The following DYNC2H1 variants were observed in gnomAD, a reference collection of about 807,000 sequenced individuals.
The protein encoded by DYNC2H1 is cytoplasmic dynein 2 heavy chain 1.
In DYNC2H1, 410 loss-of-function variants were observed where a neutral mutation model predicts 570.0. The observed-to-expected ratio is 0.72, with a 90% CI of 0.66 to 0.78. The LOEUF (loss-of-function observed/expected upper bound fraction) is 0.78, where lower values mean the gene tolerates loss of function less well. DYNC2H1 is among the 30% of genes least tolerant of loss of function. DYNC2H1 has a pLI of 0.00. For missense variants in DYNC2H1, 4,865 were observed against 5,046.4 expected (o/e 0.96, Z 1.09); for synonymous variants, 1,688 against 1,677.6 (o/e 1.01, Z -0.15).
intron 59 of DYNC2H1, among the ~76,000 whole-genome samples, chr11:103,229,624 T>C (rs953431862): frequency 1.3e-5 from 2 of 152,178 alleles, no homozygotes; most frequent in African/African-American, 4.8e-5. Flanking sequence ...TATTTTTTCT[T>C]AGCTTTAGGC....
At position 103,176,439 on chromosome 11, in the gene DYNC2H1, C is replaced by T. The variant is rs77225226; in HGVS notation, c.5874+5C>T. 1.3e-6 allele frequency: 2 copies of T among 1,503,398 alleles called. No homozygotes were observed. The highest frequency in any genetic ancestry group is 2.4e-5 in the Admixed American group (1 of 41,950). 93.1% of individuals were successfully genotyped at this position (1,503,398 alleles called of 1,614,324 possible). A position where few individuals can be genotyped will look rare whatever the true frequency, so the allele number is the denominator to read the frequency against. On this transcript the variant is annotated splice_donor_5th_base_variant and intron_variant, in intron 37 of 88. Coordinates refer to ENST00000375735, the MANE Select transcript of DYNC2H1 (RefSeq NM_001377.3). ...TATGAAATTATACCCAATCAGGTAA[C>T]TGTCAAGAATATTTTATAATAGATT...
At chr11:103,283,167 G>T in intron 73 of DYNC2H1, 82 bp downstream of exon 73, 2 of 1,122,536 alleles carry the variant, frequency 1.8e-6, no homozygotes, top group South Asian at 3.1e-5. Flanking sequence ...CTCCTTATTC[G>T]TAATCAGTGT....
chr11:103,374,972 A>C (rs1322372689), intron 83 of DYNC2H1, among the ~76,000 whole-genome samples: 1 of 152,206 alleles, frequency 6.6e-6, no homozygotes, highest in African/African-American at 2.4e-5. Context: ...AGAGACCTTC[A>C]TGGCAGCCCC....
chr11:103,452,620 A>G (rs1591778647), intron 85 of DYNC2H1, among the ~76,000 whole-genome samples: 2 of 140,542 alleles, frequency 1.4e-5, no homozygotes, highest in African/African-American at 5.1e-5. Context: ...ACCTGCTTGT[A>G]TTACAATTTA....
chr11:103,125,338 A>T, intron 12 of DYNC2H1, 43 bp downstream of exon 12: 2 of 1,322,386 alleles, frequency 1.5e-6, no homozygotes, highest in Non-Finnish European at 2.1e-6. Context: ...TTTGGAGTTC[A>T]TTACGTTAAA....
chr11:103,174,019 C>T, intron 35 of DYNC2H1, 36 bp from the exon 36 acceptor site: 1 of 1,404,380 alleles, frequency 7.1e-7, no homozygotes, highest in Non-Finnish European at 9.9e-7. Context: ...TTTCTTCTAG[C>T]TATTTGATGT....
At chr11:103,386,623 T>A (rs1941886637) in intron 83 of DYNC2H1, among the ~76,000 whole-genome samples, 1 of 152,136 alleles carries the variant, frequency 6.6e-6, no homozygotes, top group South Asian at 2.1e-4. Flanking sequence ...TAACGTTAGA[T>A]ATATCTCCTA....
intron 60 of DYNC2H1, among the ~76,000 whole-genome samples, chr11:103,232,771 G>T (rs1484598928): frequency 6.6e-6 from 1 of 151,946 alleles, no homozygotes; most frequent in East Asian, 1.9e-4. Context: ...AATATTCATT[G>T]CAAAACCATG....
In DYNC2H1 at chr11:103,188,495, AG is replaced by A. The variant is rs1160036887; in HGVS notation, c.7141del. The stretch of plus-strand genomic sequence containing the variant: ...GTTTAAAATATATTTATTTTCAAAT[AG>A]GTATTGACGTATCAAGGATTTTATG... On this transcript the variant is annotated splice_acceptor_variant, in intron 43 of 88. Transcript: ENST00000375735. LOFTEE classifies it high-confidence loss of function. The A allele has an allele frequency of 1.2e-5, 18 of 1,537,544 alleles. No homozygotes were observed. In the Admixed American group the frequency reaches 3.2e-4, roughly 28 times the overall value.
At chr11:103,161,075 A>G in intron 29 of DYNC2H1, 31 bp downstream of exon 29, 4 of 1,214,556 alleles carry the variant, frequency 3.3e-6, no homozygotes, top group Non-Finnish European at 4.5e-6. Flanking sequence ...TATGAAAACA[A>G]AAAGAATTAA....
chr11:103,320,914 TA>T, intron 80 of DYNC2H1, 114 bp from the exon 81 acceptor site: 4 of 790,090 alleles, frequency 5.1e-6, no homozygotes, highest in Non-Finnish European at 7.9e-6. Context: ...GTCATTTGAA[TA>T]AATGATTTAG....
intron 79 of DYNC2H1, among the ~76,000 whole-genome samples, chr11:103,312,386 A>T (rs1163899634): frequency 1.4e-4 from 20 of 145,898 alleles, no homozygotes; most frequent in Admixed American, 1.4e-4. Flanking sequence ...ATCTCAAAAA[A>T]AAAAAAAAAA....
At position 103,168,896 on chromosome 11, in the gene DYNC2H1, A is replaced by G. The variant is rs778621290; in HGVS notation, c.4904A>G (p.Lys1635Arg). 1.2e-6 allele frequency: 2 copies of G among 1,613,132 alleles called. No individual in the cohort carries two copies. Among genetic ancestry groups the G allele is most frequent in the South Asian group, 2.2e-5 (2 of 91,048 alleles). ...AWKKQLRFYM[K>R]SDHTCCVQMV... is the part of the protein sequence containing the mutation. ...AAAAAACAACTTAGATTCTATATGA[A>G]AAGTGATCATACATGTTGTGTTCAA... is the stretch of plus-strand genomic sequence containing the variant. Residue 1635 changes from lysine (K) to arginine (R), a missense_variant, in exon 32 of 89, where the codon AAA becomes AGA. Lys to Arg is a conservative substitution (Grantham distance 26). Transcript: ENST00000375735.
Position 103,254,002 on chromosome 11 carries a change from C to T in DYNC2H1, c.10206+554C>T, listed in dbSNP as rs678766. 6.6e-6 allele frequency among the ~76,000 whole-genome samples: 1 copy of T among 152,004 alleles called. No homozygotes were observed. Among genetic ancestry groups the T allele is most frequent in the Non-Finnish European group, 1.5e-5 (1 of 67,976 alleles). On this transcript the variant is annotated intron_variant, in intron 66 of 88. Coordinates refer to ENST00000375735, the MANE Select transcript of DYNC2H1 (RefSeq NM_001377.3). This position sits in a 1 kb window ranked among gnomAD's most constrained non-coding sequence, Gnocchi z 4.9. ...TTTTTTCCCCTTTAAAGATATAATG[C>T]CAGTTGACTTTTGGAGTATCATCCT...
chr11:103,479,260 AT>A lies in DYNC2H1; in HGVS notation c.*8del, dbSNP rs1257646215. 1 of 1,607,126 alleles carries A rather than the reference AT, an allele frequency of 6.2e-7. No homozygotes were observed. Among genetic ancestry groups the A allele is most frequent in the Non-Finnish European group, 8.5e-7 (1 of 1,175,954 alleles). On this transcript the variant is annotated 3_prime_UTR_variant, in exon 89 of 89. Transcript: ENST00000375735. ...ATTCCTAAAAAATCAGTAGAATCTA[AT>A]GACAACAAAAGCCATCTTCACAAAA...
intron 61 of DYNC2H1, 105 bp downstream of exon 61, chr11:103,234,265 C>A (rs1406033848): frequency 1.5e-6 from 2 of 1,313,034 alleles, no homozygotes; most frequent in Non-Finnish European, 2.1e-6. Context: ...TAATTTGCAC[C>A]TGGCTCAGGA....
intron 17 of DYNC2H1, among the ~76,000 whole-genome samples, chr11:103,138,673 T>A (rs1280766147): frequency 1.3e-5 from 2 of 152,250 alleles, no homozygotes; most frequent in Non-Finnish European, 2.9e-5. Flanking sequence ...TCTGAAATTC[T>A]CTTTTTTGGT....
intron 76 of DYNC2H1, among the ~76,000 whole-genome samples, chr11:103,303,708 C>T (rs189071620): frequency 2.6e-5 from 4 of 152,156 alleles, no homozygotes; most frequent in Non-Finnish European, 5.9e-5. Flanking sequence ...AAGAACATAG[C>T]CCTATAGTAG....
intron 20 of DYNC2H1, 72 bp downstream of exon 20, chr11:103,148,689 A>C: frequency 6.8e-7 from 1 of 1,477,028 alleles, no homozygotes; most frequent in Non-Finnish European, 9.1e-7. Flanking sequence ...AGGTAATTTT[A>C]TGTCATTATT....
Sources: allele counts gnomAD v4.1 joint callset (sites outside exome capture counted in the v4.1 genomes callset), GRCh38; gene constraint gnomAD v4.1.1; non-coding constraint Gnocchi (gnomAD v3.1); transcripts MANE v1.5; gene names NCBI Gene and HGNC (gene_info 2026-07-23, HGNC 2026-07-21).